ETV5: variants seen among roughly 807,000 people sequenced by gnomAD.
The protein encoded by ETV5 is ETS variant transcription factor 5.
Under a neutral mutation model 70.0 loss-of-function variants are expected in ETV5, and 10 were observed. That is an observed-to-expected ratio of 0.14 (90% confidence interval 0.09 to 0.24). The LOEUF (loss-of-function observed/expected upper bound fraction) is 0.24, where lower values mean the gene tolerates loss of function less well. Among genes scored for constraint, ETV5 ranks in the 10% least tolerant of loss-of-function variants. The probability of loss-of-function intolerance (pLI) is 1.00; values close to 1 mark genes in which losing one functional copy is unlikely to be tolerated. For missense variants in ETV5, 453 were observed against 651.2 expected (o/e 0.70, Z 3.31); for synonymous variants, 216 against 242.2 (o/e 0.89, Z 1.01).
intron 7 of ETV5, 78 bp from the exon 8 acceptor site, chr3:186,066,150 G>T: frequency 1.6e-6 from 2 of 1,279,768 alleles, no homozygotes; most frequent in Non-Finnish European, 2.1e-6. Context: ...GGGACTAGAA[G>T]TTCCAATTAA....
chr3:186,072,990 G>C (rs1211031024), intron 7 of ETV5, among the ~76,000 whole-genome samples: 1 of 152,084 alleles, frequency 6.6e-6, no homozygotes, highest in African/African-American at 2.4e-5. Context: ...AAATTAGCCG[G>C]GTGTGGTGGT....
chr3:186,091,864 A>C lies in ETV5; in HGVS notation c.233-10689T>G, dbSNP rs553570688. Among the ~76,000 whole-genome samples, 9 of 152,242 alleles carry C rather than the reference A, an allele frequency of 5.9e-5. No homozygotes were observed. In the East Asian group the frequency reaches 1.7e-3, roughly 29 times the overall value. On this transcript the variant is annotated intron_variant, in intron 5 of 12. Transcript: ENST00000306376. ...GTTTTTGAAGTTTTGATGGCCTTGCATGAAAATGGCTAGAAATACCAGGAT... is the reference window on the plus strand; with the variant it reads ...GTTTTTGAAGTTTTGATGGCCTTGCCTGAAAATGGCTAGAAATACCAGGAT...
chr3:186,053,575 A>G (rs999094734), intron 11 of ETV5, among the ~76,000 whole-genome samples: 4 of 152,234 alleles, frequency 2.6e-5, no homozygotes, highest in African/African-American at 9.6e-5. Flanking sequence ...ATAAGAATGC[A>G]TCTCTCTTAA....
At chr3:186,070,081 G>C (rs1028354920) in intron 7 of ETV5, among the ~76,000 whole-genome samples, 1 of 152,214 alleles carries the variant, frequency 6.6e-6, no homozygotes, top group Non-Finnish European at 1.5e-5. Flanking sequence ...CAAAGTGCTA[G>C]GATTACAGGT....
intron 5 of ETV5, among the ~76,000 whole-genome samples, 164 bp from the exon 6 acceptor site, chr3:186,081,339 C>T (rs1713930463): frequency 6.6e-6 from 1 of 152,204 alleles, no homozygotes; most frequent in African/African-American, 2.4e-5. Context: ...AACCTCCCAT[C>T]CAAAGCCAAT....
rs761334611 is a variant in ETV5, at chr3:186,105,504, T to A, written c.134-8A>T. On this transcript the variant is annotated splice_region_variant and splice_polypyrimidine_tract_variant and intron_variant, in intron 3 of 12. Transcript: ENST00000306376. The surrounding 1 kb of genome is among the most constrained non-coding windows in gnomAD (Gnocchi z 4.5). ...TGAGATCCTGAAATAGCTCTGAAAT[T>A]GAAAAAGAAGACCCCAGAATGAGGA... The A allele has an allele frequency of 6.8e-6, 11 of 1,613,988 alleles. No individual in the cohort carries two copies. In the South Asian group the frequency reaches 1.1e-4, roughly 16 times the overall value.
In ETV5 at chr3:186,105,885, C is replaced by CT; in HGVS notation, c.-18dup. The CT allele has an allele frequency of 6.2e-7, 1 of 1,613,420 alleles. No individual in the cohort carries two copies. Among genetic ancestry groups the CT allele is most frequent in the Non-Finnish European group, 8.5e-7 (1 of 1,179,738 alleles). On this transcript the variant is annotated 5_prime_UTR_variant, in exon 2 of 13. Coordinates refer to ENST00000306376, the MANE Select transcript of ETV5 (RefSeq NM_004454.3). This position sits in a 1 kb window ranked among gnomAD's most constrained non-coding sequence, Gnocchi z 4.5. ...CCCGTCCATGGTGCTTTCAGCGTCT[C>CT]TAATACCACTTTGAGAGGTTTCAGC...
At chr3:186,094,959 T>C (rs1014488669) in intron 5 of ETV5, among the ~76,000 whole-genome samples, 10 of 152,168 alleles carry the variant, frequency 6.6e-5, no homozygotes, top group African/African-American at 2.4e-4. Flanking sequence ...AGAGCTGGCA[T>C]GTTGGTTACT....
At chr3:186,099,787 T>C (rs567125939) in intron 5 of ETV5, among the ~76,000 whole-genome samples, 3 of 152,226 alleles carry the variant, frequency 2.0e-5, no homozygotes, top group African/African-American at 4.8e-5. Context: ...AATTTCTTCA[T>C]GGATGCCAGG....
In ETV5 at chr3:186,105,041, C is replaced by T. The variant is rs1250966544; in HGVS notation, c.232+264G>A. 2 of 325,166 alleles carry T rather than the reference C, an allele frequency of 6.2e-6. No individual in the cohort carries two copies. The highest frequency in any genetic ancestry group is 4.4e-5 in the African/African-American group (2 of 45,486). The allele number at this position is 325,166 out of a possible 1,614,324, so 20.1% of individuals were successfully genotyped here. A position where few individuals can be genotyped will look rare whatever the true frequency, so the allele number is the denominator to read the frequency against. ...ATAGGTGTGAGCCACTGTGCCCAGT[C>T]AGCTTTACAATATTCTTAAGGTAAA... On this transcript the variant is annotated intron_variant, in intron 5 of 12. Coordinates refer to ENST00000306376, the MANE Select transcript of ETV5 (RefSeq NM_004454.3). The surrounding 1 kb of genome is among the most constrained non-coding windows in gnomAD (Gnocchi z 4.5).
In ETV5 at chr3:186,054,980, G is replaced by A. The variant is rs772710575; in HGVS notation, c.1209+2095C>T. Among the ~76,000 whole-genome samples the A allele has an allele frequency of 6.6e-6, 1 of 152,228 alleles. No individual in the cohort carries two copies. The highest frequency in any genetic ancestry group is 2.4e-5 in the African/African-American group (1 of 41,464). ...AAGAAACAAAGCTGCCCGGTCAACC[G>A]AGGGAGGCTCAAGGACACCACAGGC... On this transcript the variant is annotated intron_variant, in intron 11 of 12. Transcript: ENST00000306376. The surrounding 1 kb of genome is among the most constrained non-coding windows in gnomAD (Gnocchi z 4.4).
chr3:186,100,201 A>G (rs1714419878), intron 5 of ETV5, among the ~76,000 whole-genome samples: 1 of 152,216 alleles, frequency 6.6e-6, no homozygotes, highest in Non-Finnish European at 1.5e-5. Flanking sequence ...TCTCTCCTCC[A>G]TGTTTTCCTC....
At position 186,054,044 on chromosome 3, in the gene ETV5, T is replaced by C. The variant is rs1452474184; in HGVS notation, c.1210-1913A>G. The stretch of plus-strand genomic sequence containing the variant: ...GTCACTTGCATATGCAATTGCTTAC[T>C]GGAGAAAGGTTTGGTATACGCACAG... On this transcript the variant is annotated intron_variant, in intron 11 of 12. Transcript: ENST00000306376. This position sits in a 1 kb window ranked among gnomAD's most constrained non-coding sequence, Gnocchi z 4.4. Among the ~76,000 whole-genome samples, 1 of 152,216 alleles carries C rather than the reference T, an allele frequency of 6.6e-6. No homozygotes were observed. Among genetic ancestry groups the C allele is most frequent in the African/African-American group, 2.4e-5 (1 of 41,450 alleles).
intron 5 of ETV5, among the ~76,000 whole-genome samples, chr3:186,082,934 T>C (rs79080229): frequency 0.041 from 6,279 of 152,342 alleles, 170 homozygotes; most frequent in African/African-American, 0.07. Context: ...TCTTTTCTTA[T>C]ATAATGCCAA....
At chr3:186,069,898 T>C (rs1392750972) in intron 7 of ETV5, among the ~76,000 whole-genome samples, 2 of 152,142 alleles carry the variant, frequency 1.3e-5, no homozygotes, top group African/African-American at 4.8e-5. Context: ...CCTCCATCTC[T>C]TGGGTTCAAG....
chr3:186,090,488 A>G (rs1457212722), intron 5 of ETV5, among the ~76,000 whole-genome samples: 1 of 152,268 alleles, frequency 6.6e-6, no homozygotes, highest in African/African-American at 2.4e-5. Context: ...CCTATCAGTA[A>G]CTATATTCAT....
chr3:186,078,342 C>T (rs1578551120), intron 7 of ETV5: 5 of 320,494 alleles, frequency 1.6e-5, no homozygotes, highest in South Asian at 2.7e-4. Flanking sequence ...CCCCACACTT[C>T]CTCCCCAATT....
rs1403599883 is a variant in ETV5, at chr3:186,048,705, G to C, written c.1467C>G (p.Ser489Arg). The C allele has an allele frequency of 6.2e-7, 1 of 1,614,224 alleles. No individual in the cohort carries two copies. The highest frequency in any genetic ancestry group is 1.7e-5 in the Admixed American group (1 of 60,026). ...DTLPLTHFEDSPAYLLDMDRC... is the reference protein window; with the variant it reads ...DTLPLTHFEDRPAYLLDMDRC... ...GGTCCATGTCCAGGAGGTAAGCGGG[G>C]CTGTCTTCAAAGTGGGTCAGCGGCA... is the stretch of plus-strand genomic sequence containing the variant. The change falls in exon 13 of 13, where the codon AGC becomes AGG. Residue 489 changes from serine (S) to arginine (R), a missense_variant. This residue lies in a region of ETV5 where 74 missense variants were observed against 95.2 expected (regional missense o/e 0.78). Coordinates refer to ENST00000306376, the MANE Select transcript of ETV5 (RefSeq NM_004454.3).
chr3:186,105,771 A>T lies in ETV5; in HGVS notation c.45+53T>A. ...TGTAGTAAAGAGGTCCACAGGGGGA[A>T]GACTCATATTGGAGAGGGAGGACAA... On this transcript the variant is annotated intron_variant, in intron 2 of 12. Transcript: ENST00000306376. The surrounding 1 kb of genome is among the most constrained non-coding windows in gnomAD (Gnocchi z 4.5). 4 of 1,611,196 alleles carry T rather than the reference A, an allele frequency of 2.5e-6. No individual in the cohort carries two copies. Among genetic ancestry groups the T allele is most frequent in the African/African-American group, 1.3e-5 (1 of 74,988 alleles).
Sources: gnomAD v4.1 joint callset for allele counts (sites outside exome capture counted in the v4.1 genomes callset) on GRCh38, gnomAD v4.1.1 for gene constraint, gnomAD v4.1.1 regional missense constraint, Gnocchi (gnomAD v3.1) non-coding constraint, MANE v1.5 for transcripts, NCBI Gene and HGNC (gene_info 2026-07-23, HGNC 2026-07-21) for gene names.